Variants in RBM33 observed in about 807,000 individuals in gnomAD.
RBM33 encodes the protein RNA binding motif protein 33.
Under a neutral mutation model 132.6 loss-of-function variants are expected in RBM33, and 28 were observed. The ratio of observed to expected loss-of-function variants is 0.21; its 90% CI spans 0.16 to 0.29. The LOEUF is 0.29. Among genes scored for constraint, RBM33 ranks in the 10% least tolerant of loss-of-function variants. The pLI is 1.00. For missense variants in RBM33, 1,291 were observed against 1,518.5 expected (o/e 0.85, Z 2.49); for synonymous variants, 634 against 593.0 (o/e 1.07, Z -1.01).
chr7:155,739,668 G>T, intron 11 of RBM33, 47 bp from the exon 12 acceptor site: 4 of 1,495,434 alleles, frequency 2.7e-6, no homozygotes, highest in Non-Finnish European at 1.8e-6. Context: ...ATTATGCCCG[G>T]TGTAACCATT....
chr7:155,656,908 T>A (rs773946433), intron 1 of RBM33, among the ~76,000 whole-genome samples: 2 of 152,104 alleles, frequency 1.3e-5, no homozygotes, highest in Non-Finnish European at 2.9e-5. Context: ...TATATTAGTT[T>A]ATTGGGATTA....
chr7:155,740,758 G>A (rs2117029485), intron 12 of RBM33, among the ~76,000 whole-genome samples: 1 of 152,310 alleles, frequency 6.6e-6, no homozygotes, highest in South Asian at 2.1e-4. Flanking sequence ...GTGGCTAGTG[G>A]TCAGGGTTTT....
chr7:155,774,848 A>G lies in RBM33; in HGVS notation c.3465-145A>G. On this transcript the variant is annotated intron_variant, in intron 17 of 17. Transcript: ENST00000401878. The surrounding 1 kb of genome is among the most constrained non-coding windows in gnomAD (Gnocchi z 4.2). Reference sequence around the variant, plus strand: ...GTGGAGAATTGCCCCTTGTGTTTTAATAGATCTTCCCGGGGAATCTGCCTT... The same window carrying G: ...GTGGAGAATTGCCCCTTGTGTTTTAGTAGATCTTCCCGGGGAATCTGCCTT... 2 of 801,574 alleles carry G rather than the reference A, an allele frequency of 2.5e-6. No individual in the cohort carries two copies. Among genetic ancestry groups the G allele is most frequent in the Non-Finnish European group, 4.1e-6 (2 of 486,326 alleles). 49.7% of individuals were successfully genotyped at this position (801,574 alleles called of 1,614,324 possible).
intron 5 of RBM33, among the ~76,000 whole-genome samples, chr7:155,697,823 A>C (rs1354978170): frequency 6.6e-6 from 1 of 152,042 alleles, no homozygotes; most frequent in East Asian, 1.9e-4. Flanking sequence ...AAGTACTTTG[A>C]TGGTGATTTT....
rs142702115 is a variant in RBM33, at chr7:155,683,293, C to T, written c.567+2385C>T. Among the ~76,000 whole-genome samples the T allele has an allele frequency of 5.3e-5, 8 of 152,294 alleles. No homozygotes were observed. In the East Asian group the frequency reaches 9.6e-4, roughly 18 times the overall value. Reference sequence around the variant, plus strand: ...GGCAATGGGAGCCTCTCTCTGTCTTCGGAGGCTGTCACTGAAGCCCAGATG... The same window carrying T: ...GGCAATGGGAGCCTCTCTCTGTCTTTGGAGGCTGTCACTGAAGCCCAGATG... On this transcript the variant is annotated intron_variant, in intron 5 of 17. Coordinates refer to ENST00000401878, the MANE Select transcript of RBM33 (RefSeq NM_053043.3).
At chr7:155,765,161 C>A (rs529272354) in intron 15 of RBM33, among the ~76,000 whole-genome samples, 11 of 152,164 alleles carry the variant, frequency 7.2e-5, no homozygotes, top group Non-Finnish European at 1.5e-4. Context: ...CATGATGTTT[C>A]CTATCTTACT....
Position 155,745,145 on chromosome 7 carries a change from C to T in RBM33, c.2522C>T (p.Ala841Val). 1.9e-6 allele frequency: 3 copies of T among 1,604,694 alleles called. No individual in the cohort carries two copies. Among genetic ancestry groups the T allele is most frequent in the African/African-American group, 1.3e-5 (1 of 74,842 alleles). ...CAGCTGTACGCTCCCCCACCCCCAG[C>T]AGAGCAGGAAGAGCAGGCACTGTCA... ...QQQLYAPPPP[A>V]EQEEQALSPS... is the part of the protein sequence containing the mutation. The change falls in exon 14 of 18, where the codon GCA becomes GTA. Residue 841 changes from alanine (A) to valine (V), a missense_variant. Physicochemically the swap from Ala to Val is moderately conservative, Grantham distance 64 (BLOSUM62 0). This residue lies in a region of RBM33 where 841 missense variants were observed against 912.0 expected (regional missense o/e 0.92). Coordinates refer to ENST00000401878, the MANE Select transcript of RBM33 (RefSeq NM_053043.3). This position sits in a 1 kb window ranked among gnomAD's most constrained non-coding sequence, Gnocchi z 4.1.
At chr7:155,760,631 T>C (rs71536007) in intron 14 of RBM33, among the ~76,000 whole-genome samples, 27,849 of 152,238 alleles carry the variant, frequency 0.18, 2,638 homozygotes, top group East Asian at 0.28. Context: ...GATAAATTAA[T>C]GGTCACTGGT....
chr7:155,734,663 G>A (rs1351582454), intron 9 of RBM33, among the ~76,000 whole-genome samples: 1 of 151,914 alleles, frequency 6.6e-6, no homozygotes, highest in African/African-American at 2.4e-5. Context: ...GGTTCCTTTT[G>A]TATGTATCTG....
chr7:155,738,735 G>C (rs894413621), intron 11 of RBM33: 3 of 257,526 alleles, frequency 1.2e-5, no homozygotes, highest in Non-Finnish European at 2.2e-5. Context: ...TTTACCAGTG[G>C]AAATACTTTG....
intron 13 of RBM33, among the ~76,000 whole-genome samples, chr7:155,742,761 A>C (rs891261743): frequency 6.6e-6 from 1 of 152,230 alleles, no homozygotes; most frequent in African/African-American, 2.4e-5. Flanking sequence ...GAGTGTGAAC[A>C]ATCAATGCAG....
chr7:155,696,100 T>C (rs1585450006), intron 5 of RBM33, among the ~76,000 whole-genome samples: 1 of 152,220 alleles, frequency 6.6e-6, no homozygotes, highest in Admixed American at 6.5e-5. Context: ...TTCTGTTGTT[T>C]CTGTTGTTTC....
chr7:155,718,517 G>T (rs749546375), intron 9 of RBM33, 74 bp downstream of exon 9: 19 of 1,215,328 alleles, frequency 1.6e-5, no homozygotes, highest in Non-Finnish European at 2.1e-5. Flanking sequence ...TATAGCAAGT[G>T]CAAGAGGTTC....
intron 7 of RBM33, among the ~76,000 whole-genome samples, chr7:155,710,797 A>G (rs1476640635): frequency 6.6e-6 from 1 of 152,058 alleles, no homozygotes; most frequent in African/African-American, 2.4e-5. Flanking sequence ...CTTGCTTACC[A>G]GAGTTCCTGG....
intron 8 of RBM33, among the ~76,000 whole-genome samples, chr7:155,714,700 A>G (rs4716901): frequency 0.24 from 36,599 of 151,976 alleles, 4,620 homozygotes; most frequent in African/African-American, 0.32. Flanking sequence ...GAAGGAACTC[A>G]AGGGTGTGGT....
chr7:155,697,539 A>G (rs1282722323), intron 5 of RBM33, among the ~76,000 whole-genome samples: 1 of 152,120 alleles, frequency 6.6e-6, no homozygotes, highest in East Asian at 1.9e-4. Flanking sequence ...TTTGTAAGCA[A>G]TGTTTTCTCT....
Position 155,644,794 on chromosome 7 carries a change from ACCCGTACCCGGG to A in RBM33, c.-78_-67del. The A allele has an allele frequency of 8.3e-7, 1 of 1,202,854 alleles. No homozygotes were observed. Among genetic ancestry groups the A allele is most frequent in the Non-Finnish European group, 1.1e-6 (1 of 904,678 alleles). The allele number at this position is 1,202,854 out of a possible 1,614,324, so 74.5% of individuals were successfully genotyped here. ...CCCCCTCCCTTCTCTGTCCTCCGTCACCCGTACCCGGGCCCGGACCAGGCACGTCGGCCCACC... is the reference window on the plus strand; with the variant it reads ...CCCCCTCCCTTCTCTGTCCTCCGTCACCCGGACCAGGCACGTCGGCCCACC... On this transcript the variant is annotated 5_prime_UTR_variant, in exon 1 of 18. Transcript: ENST00000401878.
At chr7:155,753,904 C>T (rs1920451) in intron 14 of RBM33, among the ~76,000 whole-genome samples, 36,905 of 152,124 alleles carry the variant, frequency 0.24, 4,763 homozygotes, top group African/African-American at 0.33. Context: ...ATAGGGCATA[C>T]AGAATCCTGA....
intron 16 of RBM33, among the ~76,000 whole-genome samples, chr7:155,770,398 G>A (rs1017860811): frequency 9.2e-5 from 14 of 152,198 alleles, no homozygotes; most frequent in Admixed American, 5.9e-4. Context: ...CCTGCACACC[G>A]TTCCATACAG....
Sources: gnomAD v4.1 joint callset for allele counts (sites outside exome capture counted in the v4.1 genomes callset) on GRCh38, gnomAD v4.1.1 for gene constraint, gnomAD v4.1.1 regional missense constraint, Gnocchi (gnomAD v3.1) non-coding constraint, MANE v1.5 for transcripts, NCBI Gene and HGNC (gene_info 2026-07-23, HGNC 2026-07-21) for gene names.